PTPRF: variants seen among roughly 807,000 people sequenced by gnomAD.
PTPRF encodes receptor-type tyrosine-protein phosphatase F.
In PTPRF, 59 loss-of-function variants were observed where a neutral mutation model predicts 201.8. The observed-to-expected ratio is 0.29, with a 90% CI of 0.24 to 0.36. PTPRF has a LOEUF of 0.36. Ranked by LOEUF, PTPRF falls within the 10% of genes least tolerant of loss-of-function variation. The pLI is 1.00. For missense variants in PTPRF, 2,132 were observed against 2,690.5 expected (o/e 0.79, Z 4.59); for synonymous variants, 1,088 against 1,089.7 (o/e 1.00, Z 0.03).
At chr1:43,531,350 C>T (rs1458236293) in intron 1 of PTPRF, among the ~76,000 whole-genome samples, 1 of 148,652 alleles carries the variant, frequency 6.7e-6, no homozygotes, top group Non-Finnish European at 1.5e-5. Flanking sequence ...TCGCTCCCCG[C>T]CGCCCCTCGC....
At chr1:43,533,513 C>T (rs1643815948) in intron 1 of PTPRF, among the ~76,000 whole-genome samples, 1 of 152,110 alleles carries the variant, frequency 6.6e-6, no homozygotes, top group Non-Finnish European at 1.5e-5. Flanking sequence ...CCCAGACCTC[C>T]TGCAGTAGAG....
chr1:43,561,753 G>A (rs1028140035), intron 5 of PTPRF, among the ~76,000 whole-genome samples: 2 of 152,170 alleles, frequency 1.3e-5, no homozygotes, highest in Non-Finnish European at 2.9e-5. Flanking sequence ...GGATGGGGAT[G>A]GGAGAGGTAT....
intron 1 of PTPRF, 107 bp from the exon 2 acceptor site, chr1:43,538,091 G>C (rs1159533621): frequency 1.0e-5 from 4 of 396,760 alleles, no homozygotes; most frequent in Non-Finnish European, 1.8e-5. Context: ...TCCATAACCT[G>C]CTTTTTTTTC....
chr1:43,581,753 C>T (rs942292509), intron 7 of PTPRF, among the ~76,000 whole-genome samples: 3 of 152,232 alleles, frequency 2.0e-5, no homozygotes, highest in Non-Finnish European at 4.4e-5. Flanking sequence ...CTGGCCTGCA[C>T]CCCGTCCCAT....
intron 22 of PTPRF, 103 bp from the exon 23 acceptor site, chr1:43,613,514 TG>T: frequency 3.2e-6 from 3 of 938,156 alleles, no homozygotes; most frequent in Non-Finnish European, 5.2e-6. Flanking sequence ...AAGTGCTCCA[TG>T]GTCACACATG....
At position 43,622,004 on chromosome 1, in the gene PTPRF, C is replaced by A. The variant is rs1659331851; in HGVS notation, c.*1C>A. On this transcript the variant is annotated 3_prime_UTR_variant, in exon 34 of 34. Transcript: ENST00000359947. ...CAGCTTTGACCACTATGCAACGTAA[C>A]TACCGCTCCCCTCTCCTCCGCCACC... is the stretch of plus-strand genomic sequence containing the variant. 1 of 1,613,904 alleles carries A rather than the reference C, an allele frequency of 6.2e-7. No individual in the cohort carries two copies. Among genetic ancestry groups the A allele is most frequent in the African/African-American group, 1.3e-5 (1 of 74,938 alleles).
chr1:43,536,460 G>A (rs1644013080), intron 1 of PTPRF, among the ~76,000 whole-genome samples: 1 of 152,152 alleles, frequency 6.6e-6, no homozygotes, highest in Non-Finnish European at 1.5e-5. Context: ...GCTCCATGTA[G>A]GGCCTGTCTC....
intron 6 of PTPRF, chr1:43,575,991 T>C: frequency 7.5e-7 from 1 of 1,337,788 alleles, no homozygotes; most frequent in Non-Finnish European, 1.0e-6. Flanking sequence ...CTCCACTCCA[T>C]CCCGTCCAGT....
intron 5 of PTPRF, among the ~76,000 whole-genome samples, chr1:43,560,536 G>A (rs1269364423): frequency 6.6e-6 from 1 of 152,158 alleles, no homozygotes; most frequent in Non-Finnish European, 1.5e-5. Flanking sequence ...GCAGGAGTGG[G>A]CAGCAAGCAG....
chr1:43,563,274 G>A (rs1645932368), intron 5 of PTPRF, among the ~76,000 whole-genome samples: 1 of 152,138 alleles, frequency 6.6e-6, no homozygotes, highest in Non-Finnish European at 1.5e-5. Context: ...TGGCTCTGGG[G>A]CTGGGTAGGT....
intron 21 of PTPRF, among the ~76,000 whole-genome samples, chr1:43,607,866 G>T (rs942736161): frequency 6.6e-6 from 1 of 152,242 alleles, no homozygotes; most frequent in African/African-American, 2.4e-5. Flanking sequence ...TCCTTGCACA[G>T]CTGTCCCCTG....
chr1:43,551,784 G>A (rs1358270442), intron 3 of PTPRF, among the ~76,000 whole-genome samples: 1 of 152,204 alleles, frequency 6.6e-6, no homozygotes, highest in Admixed American at 6.5e-5. Context: ...GGCCCACCAC[G>A]TAAAGCAGTT....
chr1:43,591,218 C>T lies in PTPRF; in HGVS notation c.1196C>T (p.Pro399Leu), dbSNP rs61733187. Residue 399 changes from proline to leucine, a missense_variant, in exon 9 of 34, where the codon CCG becomes CTG. Pro to Leu is a moderately conservative substitution (Grantham distance 98). This residue lies in a region of PTPRF where 351 missense variants were observed against 401.7 expected (regional missense o/e 0.87). Transcript: ENST00000359947. Reference protein sequence around the residue: ...VLAVNSIGRGPPSEAVRARTG... With the variant: ...VLAVNSIGRGLPSEAVRARTG... ...GCGGTGAACAGCATCGGGCGAGGGC[C>T]GCCCAGCGAGGCAGTGCGGGCACGC... 1.7e-4 allele frequency: 275 copies of T among 1,603,760 alleles called. 2 individuals are homozygous for T. The highest frequency in any genetic ancestry group is 1.7e-4 in the Middle Eastern group (1 of 6,012).
chr1:43,581,981 G>A (rs369708295), intron 7 of PTPRF, among the ~76,000 whole-genome samples: 10 of 152,272 alleles, frequency 6.6e-5, no homozygotes, highest in Admixed American at 2.0e-4. Flanking sequence ...CAAAACAAAC[G>A]TTGCAACGTG....
Position 43,591,492 on chromosome 1 carries a change from C to T in PTPRF, c.1470C>T (p.Ala490=). The T allele has an allele frequency of 6.2e-7, 1 of 1,600,538 alleles. No homozygotes were observed. Among genetic ancestry groups the T allele is most frequent in the Non-Finnish European group, 8.5e-7 (1 of 1,176,052 alleles). Residue 490 remains alanine (A), a synonymous_variant, in exon 9 of 34, where the codon GCC becomes GCT. Coordinates refer to ENST00000359947, the MANE Select transcript of PTPRF (RefSeq NM_002840.5). ...TCACCTACAGCCTGCGCGTGCTTGCCTTCACCGCCGTGGGCGATGGCCCTC... is the reference window on the plus strand; with the variant it reads ...TCACCTACAGCCTGCGCGTGCTTGCTTTCACCGCCGTGGGCGATGGCCCTC... ...PGITYSLRVL[A]FTAVGDGPPS...
chr1:43,620,129 C>T lies in PTPRF; in HGVS notation c.5146C>T (p.Leu1716=), dbSNP rs758369901. The change falls in exon 30 of 34, where the codon CTG becomes TTG. Residue 1716 remains leucine (L), a synonymous_variant. Transcript: ENST00000359947. ...QKAYIATQGP[L]AESTEDFWRM... ...GGCCTACATAGCTACACAGGGGCCT[C>T]TGGCAGAGAGCACCGAGGACTTCTG... is the stretch of plus-strand genomic sequence containing the variant. The T allele has an allele frequency of 1.2e-6, 2 of 1,614,112 alleles. No individual in the cohort carries two copies. Among genetic ancestry groups the T allele is most frequent in the Non-Finnish European group, 1.7e-6 (2 of 1,179,982 alleles).
intron 1 of PTPRF, 39 bp from the exon 2 acceptor site, chr1:43,538,158 GA>G (rs1644142678): frequency 2.5e-6 from 1 of 398,528 alleles, no homozygotes. Context: ...CTGTTGTGAT[GA>G]AATTCTTGAT....
In PTPRF at chr1:43,537,280, G is replaced by A. The variant is rs375657289; in HGVS notation, c.-125-918G>A. 2.6e-4 allele frequency among the ~76,000 whole-genome samples: 40 copies of A among 152,356 alleles called. 2 individuals are homozygous for A. The South Asian group carries it at 8.3e-3, about 32-fold the overall frequency. ...GGCTGGGCTCTGTCGCTGCATGTGT[G>A]CCAGCGGAGGAGGCATCCAGGGGCA... On this transcript the variant is annotated intron_variant, in intron 1 of 33. Transcript: ENST00000359947. This position sits in a 1 kb window ranked among gnomAD's most constrained non-coding sequence, Gnocchi z 4.8.
chr1:43,571,061 G>A (rs779815356), intron 6 of PTPRF, among the ~76,000 whole-genome samples: 4 of 152,126 alleles, frequency 2.6e-5, no homozygotes, highest in South Asian at 2.1e-4. Flanking sequence ...GGGAAGGCTC[G>A]CTCACACATT....
Sources: gnomAD v4.1 joint callset for allele counts (sites outside exome capture counted in the v4.1 genomes callset) on GRCh38, gnomAD v4.1.1 for gene constraint, gnomAD v4.1.1 regional missense constraint, Gnocchi (gnomAD v3.1) non-coding constraint, MANE v1.5 for transcripts, NCBI Gene and HGNC (gene_info 2026-07-23, HGNC 2026-07-21) for gene names.